Variants in TAF1B observed in about 807,000 individuals in gnomAD.
TAF1B encodes TATA-box binding protein associated factor, RNA polymerase I subunit B, also known as TATA box-binding protein-associated factor RNA polymerase I subunit B.
TAF1B carries 61 observed loss-of-function variants against 83.9 expected under a neutral mutation model. The ratio of observed to expected loss-of-function variants is 0.73; its 90% CI spans 0.59 to 0.90. The LOEUF is 0.90. TAF1B is among the 40% of genes least tolerant of loss of function. The pLI is 0.00. For missense variants in TAF1B, 625 were observed against 677.0 expected (o/e 0.92, Z 0.85); for synonymous variants, 221 against 224.6 (o/e 0.98, Z 0.14).
chr2:9,866,609 T>G (rs1230799666), intron 5 of TAF1B, among the ~76,000 whole-genome samples: 1 of 152,172 alleles, frequency 6.6e-6, no homozygotes, highest in African/African-American at 2.4e-5. Context: ...GGATTATAAG[T>G]CATGCTGCTA....
chr2:9,920,092 G>A (rs553945672), intron 14 of TAF1B, among the ~76,000 whole-genome samples: 1 of 152,312 alleles, frequency 6.6e-6, no homozygotes, highest in African/African-American at 2.4e-5. Flanking sequence ...TCAGGAGAAT[G>A]TGCTGTATTT....
chr2:9,868,579 C>G (rs1572231409), intron 6 of TAF1B, 150 bp downstream of exon 6: 1 of 1,100,934 alleles, frequency 9.1e-7, no homozygotes, highest in East Asian at 2.6e-5. Context: ...AATCATATGG[C>G]TAAGACAAAC....
At chr2:9,870,365 A>G (rs1391935575) in intron 6 of TAF1B, among the ~76,000 whole-genome samples, 1 of 152,078 alleles carries the variant, frequency 6.6e-6, no homozygotes, top group Admixed American at 6.6e-5. Flanking sequence ...GTGCATGCCT[A>G]CAGTCCCAGC....
intron 2 of TAF1B, among the ~76,000 whole-genome samples, chr2:9,847,799 T>A (rs115237791): frequency 0.018 from 2,787 of 152,258 alleles, 31 homozygotes; most frequent in Non-Finnish European, 0.03. Flanking sequence ...TATAGAAAAT[T>A]TGGAAATTGT....
rs557792427 is a variant in TAF1B at position 9,851,647 on chromosome 2, AT to A, written c.303+12del. On this transcript the variant is annotated intron_variant, in intron 4 of 14. Coordinates refer to ENST00000263663, the MANE Select transcript of TAF1B (RefSeq NM_005680.3). ...TAGGCCCAGAGTTAAAGGTAAGTAC[AT>A]TTGTGACTAGATGTTAGCTTTACAT... The A allele has an allele frequency of 3.1e-4, 492 of 1,593,064 alleles. 2 individuals are homozygous for A. In the African/African-American group the frequency reaches 5.6e-3, roughly 18 times the overall value.
chr2:9,865,067 A>T (rs1346221804), intron 5 of TAF1B, among the ~76,000 whole-genome samples: 11 of 152,224 alleles, frequency 7.2e-5, no homozygotes. Context: ...CCTATTGAAC[A>T]TAGTGTTGGA....
Position 9,913,142 on chromosome 2 carries a change from G to C in TAF1B, c.1181-17G>C, listed in dbSNP as rs765859697. 6.3e-7 allele frequency: 1 copy of C among 1,579,898 alleles called. No homozygotes were observed. Among genetic ancestry groups the C allele is most frequent in the East Asian group, 2.2e-5 (1 of 44,632 alleles). On this transcript the variant is annotated splice_polypyrimidine_tract_variant and intron_variant, in intron 11 of 14. Coordinates refer to ENST00000263663, the MANE Select transcript of TAF1B (RefSeq NM_005680.3). Reference sequence around the variant, plus strand: ...GTGGTTTATTTGGTTAATAATCTTGGATTTTATTTCTTTCAGATAAGCCAT... The same window carrying C: ...GTGGTTTATTTGGTTAATAATCTTGCATTTTATTTCTTTCAGATAAGCCAT...
At chr2:9,843,444 C>G (rs954199892), upstream of TAF1B, 16 of 1,400,392 alleles carry the variant, frequency 1.1e-5, no homozygotes, top group Admixed American at 1.8e-4. Flanking sequence ...AGGCGCGGAT[C>G]TCGCGTTTCC....
Position 9,849,478 on chromosome 2 carries a change from A to G in TAF1B, c.205+18A>G. 1.3e-6 allele frequency: 2 copies of G among 1,496,868 alleles called. No individual in the cohort carries two copies. Among genetic ancestry groups the G allele is most frequent in the Middle Eastern group, 2.1e-4 (1 of 4,672 alleles). The allele number at this position is 1,496,868 out of a possible 1,614,324, so 92.7% of individuals were successfully genotyped here. On this transcript the variant is annotated intron_variant, in intron 3 of 14. Coordinates refer to ENST00000263663, the MANE Select transcript of TAF1B (RefSeq NM_005680.3). ...CAATACTGGTAAGTTCTTTCTTCAT[A>G]TGTACTTAACATTCTTTATTCACAT...
chr2:9,854,195 C>T, intron 4 of TAF1B, 131 bp from the exon 5 acceptor site: 1 of 647,980 alleles, frequency 1.5e-6, no homozygotes, highest in Non-Finnish European at 2.7e-6. Flanking sequence ...TTGTGAATAC[C>T]ACATAAAACA....
intron 14 of TAF1B, among the ~76,000 whole-genome samples, chr2:9,927,373 TG>T (rs1666073932): frequency 2.6e-5 from 4 of 152,240 alleles, no homozygotes; most frequent in African/African-American, 9.6e-5. Flanking sequence ...TATAATCCTT[TG>T]GGTATATACT....
At chr2:9,926,695 C>T (rs1445884154) in intron 14 of TAF1B, among the ~76,000 whole-genome samples, 3 of 150,798 alleles carry the variant, frequency 2.0e-5, no homozygotes, top group Non-Finnish European at 3.0e-5. Flanking sequence ...AAAAATTAGC[C>T]GGGCATGGTG....
chr2:9,898,773 G>A (rs1665095495), intron 8 of TAF1B, among the ~76,000 whole-genome samples: 1 of 152,094 alleles, frequency 6.6e-6, no homozygotes, highest in Non-Finnish European at 1.5e-5. Context: ...GAGGTTTCGT[G>A]TAAGATAAAA....
chr2:9,910,995 G>A, intron 10 of TAF1B, 82 bp downstream of exon 10: 1 of 1,339,040 alleles, frequency 7.5e-7, no homozygotes, highest in Non-Finnish European at 1.0e-6. Flanking sequence ...ATGTCATGAA[G>A]ACACTTTAAA....
At chr2:9,906,321 A>C (rs923487945) in intron 9 of TAF1B, among the ~76,000 whole-genome samples, 5 of 152,230 alleles carry the variant, frequency 3.3e-5, no homozygotes, top group African/African-American at 1.2e-4. Flanking sequence ...AGGAGTAGAA[A>C]TAAATCCGTT....
chr2:9,854,096 G>A (rs930679143), intron 4 of TAF1B, among the ~76,000 whole-genome samples: 3 of 152,142 alleles, frequency 2.0e-5, no homozygotes, highest in Non-Finnish European at 4.4e-5. Flanking sequence ...AGAACTACTG[G>A]TTCAACATAC....
chr2:9,860,006 G>A (rs560676841), intron 5 of TAF1B, among the ~76,000 whole-genome samples: 4 of 152,352 alleles, frequency 2.6e-5, no homozygotes, highest in African/African-American at 9.6e-5. Context: ...GGAAAGCAAA[G>A]GTGAAGCAAG....
chr2:9,891,674 AT>A (rs1265068046), intron 8 of TAF1B, among the ~76,000 whole-genome samples: 20 of 152,170 alleles, frequency 1.3e-4, no homozygotes, highest in Admixed American at 7.9e-4. Context: ...CATGCATGTT[AT>A]TGCCCCTAAC....
intron 6 of TAF1B, among the ~76,000 whole-genome samples, chr2:9,872,155 G>A (rs960951514): frequency 1.8e-4 from 27 of 151,722 alleles, no homozygotes; most frequent in Non-Finnish European, 3.1e-4. Flanking sequence ...GTGAAACTCC[G>A]TCTCTACTAA....
Sources: gnomAD v4.1 joint callset for allele counts (sites outside exome capture counted in the v4.1 genomes callset) on GRCh38, gnomAD v4.1.1 for gene constraint, MANE v1.5 for transcripts, NCBI Gene and HGNC (gene_info 2026-07-23, HGNC 2026-07-21) for gene names.